Variants in ANKRD13B observed in about 807,000 individuals in gnomAD.
The protein encoded by ANKRD13B is ankyrin repeat domain-containing protein 13B.
A neutral mutation model predicts 74.4 loss-of-function variants in ANKRD13B; 33 were observed. The observed-to-expected ratio is 0.44, with a 90% CI of 0.34 to 0.59. The LOEUF is 0.59. ANKRD13B is among the 20% of genes least tolerant of loss of function. The probability of loss-of-function intolerance (pLI) is 0.02; values close to 1 mark genes in which losing one functional copy is unlikely to be tolerated. For missense variants in ANKRD13B, 676 were observed against 877.9 expected (o/e 0.77, Z 2.91); for synonymous variants, 341 against 362.9 (o/e 0.94, Z 0.68).
intron 1 of ANKRD13B, chr17:29,599,561 A>G (rs1567785906): frequency 6.6e-6 from 1 of 152,104 alleles, no homozygotes; most frequent in Non-Finnish European, 1.5e-5. Context: ...ACAGTTTTAA[A>G]GTTGGTTTTT....
chr17:29,607,767 G>T lies in ANKRD13B; in HGVS notation c.140G>T (p.Arg47Leu). The stretch of plus-strand genomic sequence containing the variant: ...GTGGACATCGAGCAGCTGGATCCCC[G>T]CGGCCGGACTCCCCTGCACCTGGCC... ...GQVDIEQLDP[R>L]GRTPLHLATT... is the part of the protein sequence containing the mutation. The change falls in exon 2 of 15, where the codon CGC becomes CTC. Residue 47 changes from arginine to leucine, a missense_variant. Arg to Leu is a moderately radical substitution (Grantham distance 102). Around this residue, in one of 4 missense-constraint regions of ANKRD13B, gnomAD observed 88 missense variants for 87.8 expected, o/e 1.00. Transcript: ENST00000394859. 1.2e-6 allele frequency: 2 copies of T among 1,600,778 alleles called. No homozygotes were observed. The highest frequency in any genetic ancestry group is 1.3e-5 in the African/African-American group (1 of 74,958).
chr17:29,608,116 G>A lies in ANKRD13B; in HGVS notation c.375+6G>A. 6.2e-7 allele frequency: 1 copy of A among 1,613,318 alleles called. No individual in the cohort carries two copies. On this transcript the variant is annotated splice_donor_region_variant and intron_variant, in intron 3 of 14. Transcript: ENST00000394859. The surrounding 1 kb of genome is among the most constrained non-coding windows in gnomAD (Gnocchi z 6.4). Reference sequence around the variant, plus strand: ...TCCTGGAGAAGCTGCGCAAGGTGAGGCCCAGCCTCTCAGCCTCCACGGGAG... The same window carrying A: ...TCCTGGAGAAGCTGCGCAAGGTGAGACCCAGCCTCTCAGCCTCCACGGGAG...
At position 29,609,291 on chromosome 17, in the gene ANKRD13B, C is replaced by G; in HGVS notation, c.755+16C>G. ...CCTTTGAGAGGTGGGTGGACATGGCCTTGGTCACCCTTGAGCCAGCCCGGT... is the reference window on the plus strand; with the variant it reads ...CCTTTGAGAGGTGGGTGGACATGGCGTTGGTCACCCTTGAGCCAGCCCGGT... On this transcript the variant is annotated intron_variant, in intron 6 of 14. Transcript: ENST00000394859. The surrounding 1 kb of genome is among the most constrained non-coding windows in gnomAD (Gnocchi z 4.0). 2 of 1,612,960 alleles carry G rather than the reference C, an allele frequency of 1.2e-6. No homozygotes were observed. Among genetic ancestry groups the G allele is most frequent in the Non-Finnish European group, 1.7e-6 (2 of 1,179,642 alleles).
chr17:29,609,015 G>A lies in ANKRD13B; in HGVS notation c.565+21G>A. ...CCAAGGTCAGGCAGGCAGGAAGTGG[G>A]GCAGGGTGGGGACGATGGGAGGCAG... On this transcript the variant is annotated intron_variant, in intron 5 of 14. Transcript: ENST00000394859. The surrounding 1 kb of genome is among the most constrained non-coding windows in gnomAD (Gnocchi z 4.0). The A allele has an allele frequency of 6.2e-7, 1 of 1,613,902 alleles. No individual in the cohort carries two copies. Among genetic ancestry groups the A allele is most frequent in the Non-Finnish European group, 8.5e-7 (1 of 1,180,036 alleles).
Position 29,612,707 on chromosome 17 carries a change from C to T in ANKRD13B, c.1467C>T (p.Tyr489=). 6.3e-7 allele frequency: 1 copy of T among 1,599,018 alleles called. No homozygotes were observed. The highest frequency in any genetic ancestry group is 8.5e-7 in the Non-Finnish European group (1 of 1,177,782). ...CGTTGTTCGAGGCCCCGCGCGGCTA[C>T]AGCATGATGGGCGGCCAGCGGGAGG... is the stretch of plus-strand genomic sequence containing the variant. ...SPALFEAPRG[Y]SMMGGQREAA... Residue 489 remains tyrosine, a synonymous_variant, in exon 13 of 15, where the codon TAC becomes TAT. Transcript: ENST00000394859. The surrounding 1 kb of genome is among the most constrained non-coding windows in gnomAD (Gnocchi z 6.1).
intron 1 of ANKRD13B, among the ~76,000 whole-genome samples, 183 bp from the exon 2 acceptor site, chr17:29,607,559 T>C (rs1049049012): frequency 6.6e-6 from 1 of 152,234 alleles, no homozygotes; most frequent in African/African-American, 2.4e-5. Context: ...GTCTTTCCGT[T>C]GCTCATAGTG....
At chr17:29,613,048 C>T (rs775389455) in intron 14 of ANKRD13B, 85 bp downstream of exon 14, 1 of 1,504,696 alleles carries the variant, frequency 6.6e-7, no homozygotes, top group Non-Finnish European at 8.9e-7. Flanking sequence ...ACCCGCGGGG[C>T]CCTCGGCAGG....
At position 29,613,380 on chromosome 17, in the gene ANKRD13B, A is replaced by G. The variant is rs1475498755; in HGVS notation, c.1679A>G (p.Gln560Arg). The change falls in exon 15 of 15, where the codon CAG becomes CGG. Residue 560 changes from glutamine to arginine, a missense_variant. Gln to Arg is a conservative substitution (Grantham distance 43). Transcript: ENST00000394859. Reference sequence around the variant, plus strand: ...AGCGCCCCGCCCACGCCGCAGCGCCAGCCTGCGCCCCCGGCGTCAGTGCCC... The same window carrying G: ...AGCGCCCCGCCCACGCCGCAGCGCCGGCCTGCGCCCCCGGCGTCAGTGCCC... The part of the protein sequence containing the change: ...DRSAPPTPQR[Q>R]PAPPASVPSP... The G allele has an allele frequency of 6.8e-7, 1 of 1,480,656 alleles. No individual in the cohort carries two copies. The highest frequency in any genetic ancestry group is 2.9e-5 in the East Asian group (1 of 34,540). 91.7% of individuals were successfully genotyped at this position (1,480,656 alleles called of 1,614,324 possible). A position where few individuals can be genotyped will look rare whatever the true frequency, so the allele number is the denominator to read the frequency against.
chr17:29,609,253 A>G lies in ANKRD13B; in HGVS notation c.733A>G (p.Thr245Ala), dbSNP rs2034495074. 6.2e-7 allele frequency: 1 copy of G among 1,612,916 alleles called. No homozygotes were observed. Among genetic ancestry groups the G allele is most frequent in the East Asian group, 2.2e-5 (1 of 44,876 alleles). Reference sequence around the variant, plus strand: ...GCCCGTCGTCACCACTCAGCTTGACACCAAGAATATCTCCTTTGAGAGGTG... The same window carrying G: ...GCCCGTCGTCACCACTCAGCTTGACGCCAAGAATATCTCCTTTGAGAGGTG... ...TAPVVTTQLD[T>A]KNISFERNKT... Residue 245 changes from threonine (T) to alanine (A), a missense_variant, in exon 6 of 15, where the codon ACC (threonine) becomes GCC (alanine). Thr to Ala is a moderately conservative substitution (Grantham distance 58, BLOSUM62 0). Around this residue, in one of 4 missense-constraint regions of ANKRD13B, gnomAD observed 328 missense variants for 518.4 expected, o/e 0.63. Transcript: ENST00000394859. The surrounding 1 kb of genome is among the most constrained non-coding windows in gnomAD (Gnocchi z 4.0).
chr17:29,610,789 G>T (rs762869944), intron 8 of ANKRD13B, 23 bp downstream of exon 8: 4 of 1,611,988 alleles, frequency 2.5e-6, no homozygotes, highest in Admixed American at 3.3e-5. Flanking sequence ...AGCTGGATGG[G>T]GAGAGGTGTT....
At chr17:29,603,144 C>A (rs1008438900) in intron 1 of ANKRD13B, among the ~76,000 whole-genome samples, 1 of 151,968 alleles carries the variant, frequency 6.6e-6, no homozygotes, top group Admixed American at 6.5e-5. Context: ...CCACCGCACC[C>A]GGCCTATTTC....
chr17:29,602,707 C>T (rs914416346), intron 1 of ANKRD13B, among the ~76,000 whole-genome samples: 4 of 152,086 alleles, frequency 2.6e-5, no homozygotes, highest in Middle Eastern at 3.2e-3. Context: ...CTGCAAAGAC[C>T]CTTTTTTGAA....
intron 1 of ANKRD13B, among the ~76,000 whole-genome samples, chr17:29,597,677 C>T (rs139305337): frequency 1.3e-5 from 2 of 152,228 alleles, no homozygotes; most frequent in Non-Finnish European, 2.9e-5. Flanking sequence ...AATGAATTCT[C>T]CTACCTGGGC....
intron 1 of ANKRD13B, 157 bp downstream of exon 1, chr17:29,593,892 G>GCC (rs1368701145): frequency 6.0e-4 from 72 of 120,424 alleles, no homozygotes; most frequent in Middle Eastern, 2.3e-3. Flanking sequence ...CCGGGAAAGG[G>GCC]TGATCCCCTC....
intron 1 of ANKRD13B, chr17:29,593,999 G>A (rs1489325445): frequency 9.6e-6 from 2 of 208,460 alleles, no homozygotes; most frequent in Non-Finnish European, 1.9e-5. Context: ...AGGGCTGCAG[G>A]GAGGGGCTGC....
chr17:29,594,692 A>T (rs935377132), intron 1 of ANKRD13B, among the ~76,000 whole-genome samples: 1 of 152,196 alleles, frequency 6.6e-6, no homozygotes, highest in African/African-American at 2.4e-5. Flanking sequence ...CCCGGGTCCC[A>T]TGGCTTGCTG....
rs2034696333 is a variant in ANKRD13B, at chr17:29,613,689, C to T, written c.*107C>T. The T allele has an allele frequency of 1.5e-6, 2 of 1,364,604 alleles. No homozygotes were observed. The highest frequency in any genetic ancestry group is 3.8e-5 in the Admixed American group (1 of 26,340). 84.5% of individuals were successfully genotyped at this position (1,364,604 alleles called of 1,614,324 possible). On this transcript the variant is annotated 3_prime_UTR_variant, in exon 15 of 15. Transcript: ENST00000394859. Reference sequence around the variant, plus strand: ...GCAGAGCGGCGGCTGGAGACTGGAGCCACCGCCTCGCGGGTGCAGCAGCAC... The same window carrying T: ...GCAGAGCGGCGGCTGGAGACTGGAGTCACCGCCTCGCGGGTGCAGCAGCAC...
Position 29,609,053 on chromosome 17 carries a change from C to G in ANKRD13B, c.566-33C>G, listed in dbSNP as rs2034486052. The G allele has an allele frequency of 6.2e-7, 1 of 1,612,274 alleles. No individual in the cohort carries two copies. ...CGATGGGAGGCAGCCCCAGGCCACC[C>G]CTGATCCCCCTGTGCTGTTCCGTGT... On this transcript the variant is annotated intron_variant, in intron 5 of 14. Transcript: ENST00000394859. The surrounding 1 kb of genome is among the most constrained non-coding windows in gnomAD (Gnocchi z 4.0).
intron 1 of ANKRD13B, chr17:29,593,982 G>C (rs2033863489): frequency 4.4e-6 from 1 of 225,546 alleles, no homozygotes; most frequent in South Asian, 1.8e-4. Flanking sequence ...CCTCCGCCGG[G>C]GCAGTGAGGG....
Sources: allele counts gnomAD v4.1 joint callset (sites outside exome capture counted in the v4.1 genomes callset), GRCh38; gene constraint gnomAD v4.1.1; regional missense constraint gnomAD v4.1.1; non-coding constraint Gnocchi (gnomAD v3.1); transcripts MANE v1.5; gene names NCBI Gene and HGNC (gene_info 2026-07-23, HGNC 2026-07-21).